Variants in OSBPL3 observed in about 807,000 individuals in gnomAD.
OSBPL3 encodes oxysterol binding protein like 3.
In OSBPL3, 65 loss-of-function variants were observed where a neutral mutation model predicts 120.1. That is an observed-to-expected ratio of 0.54 (90% confidence interval 0.44 to 0.67). The LOEUF (loss-of-function observed/expected upper bound fraction) is 0.67, where lower values mean the gene tolerates loss of function less well. OSBPL3 is among the 30% of genes least tolerant of loss of function. OSBPL3 has a pLI of 0.00. For missense variants in OSBPL3, 1,004 were observed against 1,082.1 expected (o/e 0.93, Z 1.01); for synonymous variants, 416 against 402.6 (o/e 1.03, Z -0.40).
At chr7:24,901,759 G>A (rs1807070470) in intron 1 of OSBPL3, among the ~76,000 whole-genome samples, 1 of 152,156 alleles carries the variant, frequency 6.6e-6, no homozygotes, top group African/African-American at 2.4e-5. Flanking sequence ...TCTGGGCTGT[G>A]AGCCACCATT....
intron 2 of OSBPL3, among the ~76,000 whole-genome samples, chr7:24,887,283 G>C (rs1278024979): frequency 1.3e-5 from 2 of 152,110 alleles, no homozygotes; most frequent in Non-Finnish European, 2.9e-5. Context: ...TATAAGCAGG[G>C]TCCCTTTAGT....
At chr7:24,904,279 C>G (rs1340354137) in intron 1 of OSBPL3, among the ~76,000 whole-genome samples, 1 of 152,112 alleles carries the variant, frequency 6.6e-6, no homozygotes, top group Admixed American at 6.5e-5. Flanking sequence ...AGAAAAAGTA[C>G]AGTTGAAATG....
At chr7:24,886,342 G>A (rs532358047) in intron 2 of OSBPL3, among the ~76,000 whole-genome samples, 178 of 152,302 alleles carry the variant, frequency 1.2e-3, no homozygotes, top group African/African-American at 4.1e-3. Context: ...TGTTCCAGAC[G>A]TTCAATAGAG....
chr7:24,825,552 T>C (rs1795610827), intron 16 of OSBPL3, among the ~76,000 whole-genome samples: 1 of 152,256 alleles, frequency 6.6e-6, no homozygotes. Flanking sequence ...AATGGTTTAG[T>C]TGTCTCATAT....
In OSBPL3 at chr7:24,877,156, G is replaced by A. The variant is rs1411781357; in HGVS notation, c.97-5087C>T. On this transcript the variant is annotated intron_variant, in intron 2 of 22. Coordinates refer to ENST00000313367, the MANE Select transcript of OSBPL3 (RefSeq NM_015550.4). This position sits in a 1 kb window ranked among gnomAD's most constrained non-coding sequence, Gnocchi z 4.8. ...TATTATAGCATACTGCATTTTTACT[G>A]TAGTTTAAGTATGTAAATTCTGATG... Among the ~76,000 whole-genome samples the A allele has an allele frequency of 1.3e-5, 2 of 152,132 alleles. No individual in the cohort carries two copies. The highest frequency in any genetic ancestry group is 2.9e-5 in the Non-Finnish European group (2 of 68,022).
Position 24,813,174 on chromosome 7 carries a change from C to T in OSBPL3, c.2172+1885G>A, listed in dbSNP as rs1020792533. 2.0e-5 allele frequency among the ~76,000 whole-genome samples: 3 copies of T among 152,166 alleles called. No individual in the cohort carries two copies. Among genetic ancestry groups the T allele is most frequent in the Admixed American group, 6.5e-5 (1 of 15,282 alleles). On this transcript the variant is annotated intron_variant, in intron 19 of 22. Coordinates refer to ENST00000313367, the MANE Select transcript of OSBPL3 (RefSeq NM_015550.4). The surrounding 1 kb of genome is among the most constrained non-coding windows in gnomAD (Gnocchi z 4.5). Reference sequence around the variant, plus strand: ...GATTACAGGTGTGAGCCATGGCACCCGGGCTCTTAAGTTTATTCTGAAGCA... The same window carrying T: ...GATTACAGGTGTGAGCCATGGCACCTGGGCTCTTAAGTTTATTCTGAAGCA...
Position 24,872,827 on chromosome 7 carries a change from C to T in OSBPL3, c.97-758G>A, listed in dbSNP as rs1453896753. On this transcript the variant is annotated intron_variant, in intron 2 of 22. Transcript: ENST00000313367. The surrounding 1 kb of genome is among the most constrained non-coding windows in gnomAD (Gnocchi z 4.1). ...AAGAATTTTAAAAGAAATAGAAGAA[C>T]ACTAAAAGTTCTGAAAATTTACTTT... Among the ~76,000 whole-genome samples, 4 of 152,012 alleles carry T rather than the reference C, an allele frequency of 2.6e-5. No individual in the cohort carries two copies. Among genetic ancestry groups the T allele is most frequent in the Non-Finnish European group, 5.9e-5 (4 of 68,004 alleles).
At chr7:24,800,828 GT>G (rs1250129891) in intron 22 of OSBPL3, among the ~76,000 whole-genome samples, 1 of 152,112 alleles carries the variant, frequency 6.6e-6, no homozygotes. Flanking sequence ...GGAGGAGGAT[GT>G]GGGGAGAGTC....
In OSBPL3 at chr7:24,824,699, G is replaced by T. The variant is rs1262852376; in HGVS notation, c.1885-4461C>A. 1.3e-5 allele frequency among the ~76,000 whole-genome samples: 2 copies of T among 152,194 alleles called. No individual in the cohort carries two copies. Among genetic ancestry groups the T allele is most frequent in the Non-Finnish European group, 1.5e-5 (1 of 68,032 alleles). On this transcript the variant is annotated intron_variant, in intron 16 of 22. Coordinates refer to ENST00000313367, the MANE Select transcript of OSBPL3 (RefSeq NM_015550.4). This position sits in a 1 kb window ranked among gnomAD's most constrained non-coding sequence, Gnocchi z 4.9. ...CTGATGGAATTTATATTTTAGTATG[G>T]AAGTGGGTAAGACAAACGACACATA...
intron 1 of OSBPL3, among the ~76,000 whole-genome samples, chr7:24,920,287 C>A (rs981492833): frequency 1.3e-5 from 2 of 152,124 alleles, no homozygotes; most frequent in African/African-American, 4.8e-5. Flanking sequence ...AATATCCACA[C>A]AATATTATTT....
intron 1 of OSBPL3, among the ~76,000 whole-genome samples, chr7:24,925,026 G>A (rs192818728): frequency 1.1e-4 from 16 of 152,262 alleles, no homozygotes; most frequent in Admixed American, 7.2e-4. Flanking sequence ...TCTGCTCTTT[G>A]TAAGAGCCAG....
In OSBPL3 at chr7:24,833,207, AAG is replaced by A. The variant is rs1429110404; in HGVS notation, c.1746+1277_1746+1278del. 6.6e-6 allele frequency among the ~76,000 whole-genome samples: 1 copy of A among 152,194 alleles called. No individual in the cohort carries two copies. The highest frequency in any genetic ancestry group is 1.5e-5 in the Non-Finnish European group (1 of 68,034). ...CCTACCCTGATTATCAGTAACAAGA[AAG>A]AAAGTCTCTTGGGCCAGGTACAGTG... On this transcript the variant is annotated intron_variant, in intron 15 of 22. Transcript: ENST00000313367. The surrounding 1 kb of genome is among the most constrained non-coding windows in gnomAD (Gnocchi z 4.4).
At chr7:24,840,664 C>A in intron 14 of OSBPL3, 26 bp downstream of exon 14, 1 of 1,048,374 alleles carries the variant, frequency 9.5e-7, no homozygotes, top group Non-Finnish European at 1.4e-6. Context: ...CCAAACTTTT[C>A]AGAGATTAAA....
chr7:24,893,269 A>T (rs1388246489), intron 1 of OSBPL3, among the ~76,000 whole-genome samples: 1 of 152,230 alleles, frequency 6.6e-6, no homozygotes, highest in Non-Finnish European at 1.5e-5. Flanking sequence ...TCATATATAC[A>T]TTCAATGGAA....
chr7:24,980,521 G>A (rs1164583291), upstream of OSBPL3, among the ~76,000 whole-genome samples: 1 of 152,026 alleles, frequency 6.6e-6, no homozygotes, highest in Non-Finnish European at 1.5e-5. Flanking sequence ...TCCTCTAGTG[G>A]CTTTTCCGGG....
intron 1 of OSBPL3, among the ~76,000 whole-genome samples, chr7:24,958,859 T>C (rs1815385023): frequency 6.6e-6 from 1 of 152,150 alleles, no homozygotes; most frequent in Non-Finnish European, 1.5e-5. Flanking sequence ...GCAGACTTGT[T>C]CTTTGGCCTA....
Position 24,821,067 on chromosome 7 carries a change from G to C in OSBPL3, c.1885-829C>G, listed in dbSNP as rs1795077899. Among the ~76,000 whole-genome samples, 1 of 152,212 alleles carries C rather than the reference G, an allele frequency of 6.6e-6. No homozygotes were observed. Among genetic ancestry groups the C allele is most frequent in the Non-Finnish European group, 1.5e-5 (1 of 68,030 alleles). Reference sequence around the variant, plus strand: ...CTCAGTCACACTCAGGGAACGTTGAGAGGTGTATATGCTGTCATTCTAATT... The same window carrying C: ...CTCAGTCACACTCAGGGAACGTTGACAGGTGTATATGCTGTCATTCTAATT... On this transcript the variant is annotated intron_variant, in intron 16 of 22. Transcript: ENST00000313367. This position sits in a 1 kb window ranked among gnomAD's most constrained non-coding sequence, Gnocchi z 5.5.
rs560153441 is a variant in OSBPL3, at chr7:24,847,739, A to T, written c.1266+1330T>A. On this transcript the variant is annotated intron_variant, in intron 12 of 22. Transcript: ENST00000313367. The stretch of plus-strand genomic sequence containing the variant: ...CTGTCTGAAAACATGCACAAACTCC[A>T]GATAATACCATAGTACATGGCAGCT... Among the ~76,000 whole-genome samples, 3 of 152,362 alleles carry T rather than the reference A, an allele frequency of 2.0e-5. No individual in the cohort carries two copies. The South Asian group carries it at 6.2e-4, about 32-fold the overall frequency.
chr7:24,843,966 T>C (rs547772212), intron 12 of OSBPL3, among the ~76,000 whole-genome samples: 1 of 152,360 alleles, frequency 6.6e-6, no homozygotes, highest in East Asian at 1.9e-4. Context: ...ATTAATTTAT[T>C]ACTAGTCACT....
Sources: gnomAD v4.1 joint callset for allele counts (sites outside exome capture counted in the v4.1 genomes callset) on GRCh38, gnomAD v4.1.1 for gene constraint, Gnocchi (gnomAD v3.1) non-coding constraint, MANE v1.5 for transcripts, NCBI Gene and HGNC (gene_info 2026-07-23, HGNC 2026-07-21) for gene names.